Variants in GLIPR1L2 observed in about 807,000 individuals in gnomAD.
GLIPR1L2 encodes GLIPR1 like 2, also known as GLIPR1-like protein 2.
GLIPR1L2 carries 21 observed loss-of-function variants against 28.4 expected under a neutral mutation model. The observed-to-expected ratio is 0.74, with a 90% CI of 0.52 to 1.06. The LOEUF (loss-of-function observed/expected upper bound fraction) is 1.06. GLIPR1L2 is among the 50% of genes least tolerant of loss of function. The pLI, the probability that GLIPR1L2 is intolerant of heterozygous loss-of-function variation, is 0.00. For synonymous variants in GLIPR1L2, 145 were observed against 139.3 expected (o/e 1.04, Z -0.29); for missense variants, 476 against 416.9 (o/e 1.14, Z -1.23).
chr12:75,393,306 G>T (rs1170564943), intron 1 of GLIPR1L2, among the ~76,000 whole-genome samples: 2 of 151,902 alleles, frequency 1.3e-5, no homozygotes, highest in African/African-American at 4.8e-5. Flanking sequence ...AAGTACATTT[G>T]CATTGTTGTG....
chr12:75,391,123 GCCGCAAGGC>G lies in GLIPR1L2; in HGVS notation c.10_18del (p.Ala4_Pro6del). On this transcript the variant is annotated inframe_deletion, in exon 1 of 6. Transcript: ENST00000550916. ...TGTCAGCGGCCGGTGGACCATGGAGGCCGCAAGGCCCTTCGCCCGGGAGTGGAGGGCCCA... is the reference window on the plus strand; with the variant it reads ...TGTCAGCGGCCGGTGGACCATGGAGGCCTTCGCCCGGGAGTGGAGGGCCCA... The G allele has an allele frequency of 6.2e-7, 1 of 1,612,570 alleles. No homozygotes were observed. The highest frequency in any genetic ancestry group is 8.5e-7 in the Non-Finnish European group (1 of 1,179,304).
At chr12:75,406,602 A>G (rs535371283) in intron 1 of GLIPR1L2, among the ~76,000 whole-genome samples, 9 of 151,820 alleles carry the variant, frequency 5.9e-5, no homozygotes, top group Non-Finnish European at 1.3e-4. Context: ...ACCAAAAAAT[A>G]AAAGAATTAG....
chr12:75,426,683 G>T (rs1299382869), intron 4 of GLIPR1L2, among the ~76,000 whole-genome samples: 2 of 152,186 alleles, frequency 1.3e-5, no homozygotes, highest in African/African-American at 4.8e-5. Flanking sequence ...TTTGGCAATT[G>T]ATGTTCCCAC....
At chr12:75,423,570 T>C (rs1456200194) in intron 4 of GLIPR1L2, 11 of 626,410 alleles carry the variant, frequency 1.8e-5, no homozygotes, top group Non-Finnish European at 2.2e-5. Context: ...GCATATTATG[T>C]TGTTTTTTAA....
intron 2 of GLIPR1L2, among the ~76,000 whole-genome samples, chr12:75,411,866 A>C (rs1233340867): frequency 2.0e-5 from 3 of 152,002 alleles, no homozygotes; most frequent in Non-Finnish European, 4.4e-5. Flanking sequence ...ACAAAACAGT[A>C]CTTTTTGGTT....
At chr12:75,430,310 T>C (rs191570944) in intron 4 of GLIPR1L2, among the ~76,000 whole-genome samples, 1 of 152,272 alleles carries the variant, frequency 6.6e-6, no homozygotes, top group East Asian at 1.9e-4. Flanking sequence ...AAAATAAGAA[T>C]TAAATGAGGA....
rs1248318189 is a variant in GLIPR1L2 at position 75,431,394 on chromosome 12, G to C, written c.*233G>C. On this transcript the variant is annotated 3_prime_UTR_variant, in exon 6 of 6. Transcript: ENST00000550916. Reference sequence around the variant, plus strand: ...GGTGGGCTCTTTGACACTAAGAACAGATAAAGACATGACAGGAAAAACACT... The same window carrying C: ...GGTGGGCTCTTTGACACTAAGAACACATAAAGACATGACAGGAAAAACACT... 8 of 393,848 alleles carry C rather than the reference G, an allele frequency of 2.0e-5. No homozygotes were observed. The highest frequency in any genetic ancestry group is 1.0e-4 in the African/African-American group (5 of 48,448). 24.4% of individuals were successfully genotyped at this position (393,848 alleles called of 1,614,324 possible). A position where few individuals can be genotyped will look rare whatever the true frequency, so the allele number is the denominator to read the frequency against.
chr12:75,420,877 A>G (rs983877166), intron 3 of GLIPR1L2, among the ~76,000 whole-genome samples: 3 of 152,214 alleles, frequency 2.0e-5, no homozygotes, highest in African/African-American at 7.2e-5. Context: ...GAGGGGACTC[A>G]TTGTAGTCTA....
intron 1 of GLIPR1L2, among the ~76,000 whole-genome samples, chr12:75,392,757 ATAAGGTATATAAAATAATAT>A (rs1405034447): frequency 5.9e-5 from 9 of 152,226 alleles, no homozygotes; most frequent in African/African-American, 2.2e-4. Flanking sequence ...TATTTCAAAC[ATAAGGTATATAAAATAATAT>A]ACCTGTATAC....
At chr12:75,423,118 T>G (rs1174362154) in intron 4 of GLIPR1L2, 129 bp downstream of exon 4, 4 of 1,562,866 alleles carry the variant, frequency 2.6e-6, no homozygotes, top group South Asian at 2.4e-5. Flanking sequence ...TATTATGTTA[T>G]CAAAGGATGG....
At chr12:75,422,185 G>A (rs1188377942) in intron 3 of GLIPR1L2, among the ~76,000 whole-genome samples, 2 of 151,152 alleles carry the variant, frequency 1.3e-5, no homozygotes, top group Admixed American at 6.6e-5. Flanking sequence ...GAAGAGACGA[G>A]GTCTTGCTAT....
intron 4 of GLIPR1L2, among the ~76,000 whole-genome samples, chr12:75,427,101 A>G (rs2046042033): frequency 6.6e-6 from 1 of 152,210 alleles, no homozygotes; most frequent in Non-Finnish European, 1.5e-5. Flanking sequence ...GGAGGAGAAG[A>G]GAGAGATAGA....
At chr12:75,405,671 CT>C (rs2045790647) in intron 1 of GLIPR1L2, among the ~76,000 whole-genome samples, 1 of 152,036 alleles carries the variant, frequency 6.6e-6, no homozygotes, top group Non-Finnish European at 1.5e-5. Context: ...CAGCAACCCA[CT>C]TTCATGAGAA....
chr12:75,398,328 CAAAAAAAAAAAAA>C (rs71078729), intron 1 of GLIPR1L2, among the ~76,000 whole-genome samples: 1 of 87,936 alleles, frequency 1.1e-5, no homozygotes, highest in Non-Finnish European at 2.1e-5. Flanking sequence ...GACTCCATCT[CAAAAAAAAAAAAA>C]AAAAAAAAAA....
At chr12:75,400,761 T>C (rs948782509) in intron 1 of GLIPR1L2, among the ~76,000 whole-genome samples, 1 of 152,126 alleles carries the variant, frequency 6.6e-6, no homozygotes, top group Non-Finnish European at 1.5e-5. Context: ...ACAAAAAATA[T>C]ATACAGCAAA....
intron 2 of GLIPR1L2, 78 bp downstream of exon 2, chr12:75,410,757 G>T (rs2045859122): frequency 1.9e-6 from 2 of 1,051,926 alleles, no homozygotes; most frequent in Non-Finnish European, 2.7e-6. Flanking sequence ...TTTCAAATTT[G>T]TACATAAACT....
At chr12:75,423,081 A>G (rs2045995418) in intron 4 of GLIPR1L2, 92 bp downstream of exon 4, 3 of 1,597,434 alleles carry the variant, frequency 1.9e-6, no homozygotes, top group Non-Finnish European at 2.6e-6. Context: ...GGTCATGTTA[A>G]TATTATTCCT....
At chr12:75,414,010 A>G (rs956535157) in intron 3 of GLIPR1L2, among the ~76,000 whole-genome samples, 1 of 152,076 alleles carries the variant, frequency 6.6e-6, no homozygotes, top group Non-Finnish European at 1.5e-5. Flanking sequence ...TAGTAAAAGT[A>G]GAAAGAAAAT....
intron 3 of GLIPR1L2, among the ~76,000 whole-genome samples, chr12:75,414,373 A>G (rs940232194): frequency 1.3e-5 from 2 of 152,062 alleles, no homozygotes; most frequent in African/African-American, 2.4e-5. Flanking sequence ...AAGTTAGAAA[A>G]TGTTTGAATT....
Sources: gnomAD v4.1 joint callset for allele counts (sites outside exome capture counted in the v4.1 genomes callset) on GRCh38, gnomAD v4.1.1 for gene constraint, MANE v1.5 for transcripts, NCBI Gene and HGNC (gene_info 2026-07-23, HGNC 2026-07-21) for gene names.